TCF3: variants seen among roughly 807,000 people sequenced by gnomAD.
TCF3 encodes the protein transcription factor E2-alpha.
A neutral mutation model predicts 72.3 loss-of-function variants in TCF3; 54 were observed. That is an observed-to-expected ratio of 0.75 (90% confidence interval 0.60 to 0.94). The LOEUF (loss-of-function observed/expected upper bound fraction) is 0.94, where lower values mean the gene tolerates loss of function less well. Ranked by LOEUF, TCF3 falls within the 40% of genes least tolerant of loss-of-function variation. TCF3 has a pLI of 0.00. For missense variants in TCF3, 1,078 were observed against 934.4 expected, an observed-to-expected ratio of 1.15 and a Z score of -2.00; for synonymous variants, 525 against 412.6, an observed-to-expected ratio of 1.27 and a Z score of -3.30.
Position 1,615,136 on chromosome 19 carries a change from A to T in TCF3, c.1822+149T>A. 2 of 929,308 alleles carry T rather than the reference A, an allele frequency of 2.2e-6. No individual in the cohort carries two copies. Among genetic ancestry groups the T allele is most frequent in the Non-Finnish European group, 3.1e-6 (2 of 636,512 alleles). The allele number at this position is 929,308 out of a possible 1,614,324, so 57.6% of individuals were successfully genotyped here. ...AGTGGACAGTCATGGCAATGCGGTC[A>T]GAGGGGTGAAGGGCACAGTCACTGC... On this transcript the variant is annotated intron_variant, in intron 18 of 18. Coordinates refer to ENST00000262965, the MANE Select transcript of TCF3 (RefSeq NM_003200.5). This position sits in a 1 kb window ranked among gnomAD's most constrained non-coding sequence, Gnocchi z 7.3.
At chr19:1,611,932 G>GT (rs1555711580) in intron 18 of TCF3, 83 bp from the exon 19 acceptor site, 22 of 190,618 alleles carry the variant, frequency 1.2e-4, no homozygotes, top group Admixed American at 2.1e-4. Context: ...TAGGATGTCG[G>GT]GGGGGGGGGT....
At chr19:1,645,994 C>T (rs766154698) in intron 3 of TCF3, among the ~76,000 whole-genome samples, 5 of 152,144 alleles carry the variant, frequency 3.3e-5, no homozygotes, top group Non-Finnish European at 7.4e-5. Flanking sequence ...TCTCCAGAGC[C>T]TCAGTTTCCC....
chr19:1,639,794 T>G (rs2064984173), intron 3 of TCF3, among the ~76,000 whole-genome samples: 1 of 126,560 alleles, frequency 7.9e-6, no homozygotes, highest in African/African-American at 3.0e-5. Flanking sequence ...GTCAGTAATA[T>G]GAGAAAAACA....
Position 1,615,292 on chromosome 19 carries a change from T to C in TCF3, c.1815A>G (p.Gln605=). The C allele has an allele frequency of 6.3e-7, 1 of 1,592,770 alleles. No homozygotes were observed. Among genetic ancestry groups the C allele is most frequent in the Non-Finnish European group, 8.6e-7 (1 of 1,164,214 alleles). The change falls in exon 18 of 19, where the codon CAA becomes CAG. Residue 605 remains glutamine (Q), a synonymous_variant. Coordinates refer to ENST00000262965, the MANE Select transcript of TCF3 (RefSeq NM_003200.5). The surrounding 1 kb of genome is among the most constrained non-coding windows in gnomAD (Gnocchi z 7.3). ...GCCCGCGCCCCCACTGACCTCGCAC[T>C]TGCTGCTCCAAGTTCAGGATGACCG... is the stretch of plus-strand genomic sequence containing the variant. ...AVSVILNLEQ[Q]VRERNLNPKA...
Position 1,627,831 on chromosome 19 carries a change from G to C in TCF3, c.299-405C>G, listed in dbSNP as rs558300718. Among the ~76,000 whole-genome samples, 18 of 81,646 alleles carry C rather than the reference G, an allele frequency of 2.2e-4. 1 individual carries two copies. Among genetic ancestry groups the C allele is most frequent in the African/African-American group, 9.9e-4 (18 of 18,222 alleles). 53.6% of individuals were successfully genotyped at this position (81,646 alleles called of 152,430 possible). The stretch of plus-strand genomic sequence containing the variant: ...CAGGGGGTGAGGCGGGAAGGGGACA[G>C]CAGAGCTCACAGGGGGTGAGGCGGG... On this transcript the variant is annotated intron_variant, in intron 5 of 18. Transcript: ENST00000262965.
At position 1,611,555 on chromosome 19, in the gene TCF3, T is replaced by A. The variant is rs2060985621; in HGVS notation, c.*152A>T. 1.8e-6 allele frequency: 2 copies of A among 1,138,486 alleles called. No homozygotes were observed. The highest frequency in any genetic ancestry group is 2.4e-6 in the Non-Finnish European group (2 of 835,096). 70.5% of individuals were successfully genotyped at this position (1,138,486 alleles called of 1,614,324 possible). A position where few individuals can be genotyped will look rare whatever the true frequency, so the allele number is the denominator to read the frequency against. ...CCCAGTGTCACCTTGGCCGCCCCCATCACTCCGAACCTTGTCAGGTTGGTG... is the reference window on the plus strand; with the variant it reads ...CCCAGTGTCACCTTGGCCGCCCCCAACACTCCGAACCTTGTCAGGTTGGTG... On this transcript the variant is annotated 3_prime_UTR_variant, in exon 19 of 19. Transcript: ENST00000262965.
intron 18 of TCF3, chr19:1,612,199 G>A (rs993094051): frequency 6.4e-6 from 10 of 1,567,658 alleles, no homozygotes; most frequent in Admixed American, 1.7e-5. Context: ...CCTGGCCGGG[G>A]AGCCTACCTC....
chr19:1,621,012 G>T lies in TCF3; in HGVS notation c.1049C>A (p.Ser350Ter). 6.6e-7 allele frequency: 1 copy of T among 1,521,472 alleles called. No individual in the cohort carries two copies. Among genetic ancestry groups the T allele is most frequent in the Non-Finnish European group, 8.8e-7 (1 of 1,134,068 alleles). 94.2% of individuals were successfully genotyped at this position (1,521,472 alleles called of 1,614,324 possible). The change falls in exon 13 of 19, where the codon TCG becomes TAG. Residue 350 changes from serine (S) to a stop codon, truncating the protein, a stop_gained. Transcript: ENST00000262965. LOFTEE classifies it high-confidence loss of function. ...YSPDHSSNNFSSSPSTPVGSP... is the reference protein window; with the variant it reads ...YSPDHSSNNF Reference sequence around the variant, plus strand: ...GCCCACGGGGGTAGAAGGGCTGGACGAGAAGTTATTGCTTGAGTGATCCGG... The same window carrying T: ...GCCCACGGGGGTAGAAGGGCTGGACTAGAAGTTATTGCTTGAGTGATCCGG...
chr19:1,616,340 G>A (rs2061543870), intron 16 of TCF3, among the ~76,000 whole-genome samples: 1 of 152,014 alleles, frequency 6.6e-6, no homozygotes, highest in Non-Finnish European at 1.5e-5. Context: ...CAGCTGTGGT[G>A]GTGGGTACCT....
Position 1,619,855 on chromosome 19 carries a change from TGGAA to T in TCF3, c.1094-6_1094-3del, listed in dbSNP as rs780012104. On this transcript the variant is annotated splice_region_variant and splice_polypyrimidine_tract_variant and intron_variant, in intron 13 of 18. Transcript: ENST00000262965. ...CTGCTCGAGGCCACTGTGACGTTCC[TGGAA>T]GGGAGTGGGGACGTGAATGGGGTGC... 47 of 1,572,670 alleles carry T rather than the reference TGGAA, an allele frequency of 3.0e-5. No individual in the cohort carries two copies. The highest frequency in any genetic ancestry group is 3.4e-4 in the Middle Eastern group (2 of 5,864).
At chr19:1,630,546 G>A (rs1007240547) in intron 5 of TCF3, among the ~76,000 whole-genome samples, 1 of 152,148 alleles carries the variant, frequency 6.6e-6, no homozygotes, top group African/African-American at 2.4e-5. Flanking sequence ...ATGCCGAGGG[G>A]TACACGGTGA....
Position 1,624,018 on chromosome 19 carries a change from G to C in TCF3, c.500-18C>G, listed in dbSNP as rs1432959347. On this transcript the variant is annotated intron_variant, in intron 7 of 18. Coordinates refer to ENST00000262965, the MANE Select transcript of TCF3 (RefSeq NM_003200.5). The stretch of plus-strand genomic sequence containing the variant: ...CTGCGTGTCTGTTAGAAGCAAAAGG[G>C]GTGAGAACCGGCCACCGGCCATGAG... The C allele has an allele frequency of 6.2e-7, 1 of 1,612,762 alleles. No individual in the cohort carries two copies. Among genetic ancestry groups the C allele is most frequent in the Non-Finnish European group, 8.5e-7 (1 of 1,179,688 alleles).
chr19:1,624,895 G>T (rs577703457), intron 7 of TCF3, among the ~76,000 whole-genome samples: 27 of 152,270 alleles, frequency 1.8e-4, no homozygotes, highest in Non-Finnish European at 3.5e-4. Flanking sequence ...GCTCAGGCTG[G>T]AGTACAATGG....
At chr19:1,642,281 GA>G (rs2065435545) in intron 3 of TCF3, among the ~76,000 whole-genome samples, 7 of 129,978 alleles carry the variant, frequency 5.4e-5, no homozygotes, top group Non-Finnish European at 1.0e-4. Flanking sequence ...CACACGCACA[GA>G]CGCGCACACG....
At chr19:1,637,096 T>C (rs927085664) in intron 3 of TCF3, among the ~76,000 whole-genome samples, 3 of 149,996 alleles carry the variant, frequency 2.0e-5, no homozygotes, top group African/African-American at 7.4e-5. Flanking sequence ...GGGGACAACC[T>C]CCTCCGCCAG....
intron 3 of TCF3, among the ~76,000 whole-genome samples, chr19:1,637,992 T>A (rs1044794088): frequency 3.3e-5 from 5 of 152,176 alleles, no homozygotes; most frequent in African/African-American, 1.2e-4. Context: ...TTCAATGATT[T>A]ACCCTAAAAA....
At chr19:1,648,957 A>C (rs2066571780) in intron 2 of TCF3, among the ~76,000 whole-genome samples, 1 of 152,122 alleles carries the variant, frequency 6.6e-6, no homozygotes, top group Non-Finnish European at 1.5e-5. Flanking sequence ...GGGCCTTTAC[A>C]GCACCCGTCA....
intron 2 of TCF3, among the ~76,000 whole-genome samples, chr19:1,648,254 G>A (rs1164318029): frequency 6.6e-6 from 1 of 152,246 alleles, no homozygotes; most frequent in African/African-American, 2.4e-5. Context: ...CAGAAGGCAG[G>A]CATGCAGGAA....
rs760270822 is a variant in TCF3 at position 1,615,546 on chromosome 19, C to A, written c.1587-26G>T. 2 of 1,604,852 alleles carry A rather than the reference C, an allele frequency of 1.2e-6. No homozygotes were observed. The highest frequency in any genetic ancestry group is 1.7e-6 in the Non-Finnish European group (2 of 1,179,752). On this transcript the variant is annotated intron_variant, in intron 17 of 18. Transcript: ENST00000262965. This position sits in a 1 kb window ranked among gnomAD's most constrained non-coding sequence, Gnocchi z 7.3. ...CTATGGGGAGGGCGCCGGGAGGGGG[C>A]CAGAGGGAGACAGTGAGGTTGGGGG... is the stretch of plus-strand genomic sequence containing the variant.
Sources: gnomAD v4.1 joint callset for allele counts (sites outside exome capture counted in the v4.1 genomes callset) on GRCh38, gnomAD v4.1.1 for gene constraint, Gnocchi (gnomAD v3.1) non-coding constraint, MANE v1.5 for transcripts, NCBI Gene and HGNC (gene_info 2026-07-23, HGNC 2026-07-21) for gene names.